Variants in NFKB1 observed in about 807,000 individuals in gnomAD.
NFKB1 encodes nuclear factor kappa B subunit 1, also known as nuclear factor NF-kappa-B p105 subunit.
A neutral mutation model predicts 105.1 loss-of-function variants in NFKB1; 9 were observed. That is an observed-to-expected ratio of 0.09 (90% CI 0.05 to 0.15). The LOEUF is 0.15. Among genes scored for constraint, NFKB1 ranks in the 10% least tolerant of loss-of-function variants. The pLI is 1.00. For synonymous variants in NFKB1, 440 were observed against 442.2 expected (o/e 1.00, Z 0.06); for missense variants, 830 against 1,203.7 (o/e 0.69, Z 4.59).
rs959879541 is a variant in NFKB1 at position 102,501,719 on chromosome 4, G to C, written c.-77G>C. On this transcript the variant is annotated 5_prime_UTR_variant, in exon 1 of 24. Coordinates refer to ENST00000226574, the MANE Select transcript of NFKB1 (RefSeq NM_003998.4). ...GCCGCCGCCTCTTCCTTCTCCAGCC[G>C]GCAGGCCCGCGCCGCTTAGGAGGGA... The C allele has an allele frequency of 2.0e-5, 3 of 152,248 alleles. No homozygotes were observed. The highest frequency in any genetic ancestry group is 4.4e-5 in the Non-Finnish European group (3 of 68,202). 9.4% of individuals were successfully genotyped at this position (152,248 alleles called of 1,614,324 possible). A position where few individuals can be genotyped will look rare whatever the true frequency, so the allele number is the denominator to read the frequency against.
In NFKB1 at chr4:102,616,591, T is replaced by G; in HGVS notation, c.2907T>G (p.Ile969Met). ...AGGAAGGACCTCTAGAAGGCAAAAT[T>G]TAGCCTGCTGACAATTTCCCACACC... ...YGQEGPLEGKI is the reference protein window; with the variant it reads ...YGQEGPLEGKM The change falls in exon 24 of 24, where the codon ATT (isoleucine) becomes ATG (methionine). Residue 969 changes from isoleucine to methionine, a missense_variant. Transcript: ENST00000226574. 1 of 1,613,694 alleles carries G rather than the reference T, an allele frequency of 6.2e-7. No homozygotes were observed. Among genetic ancestry groups the G allele is most frequent in the Non-Finnish European group, 8.5e-7 (1 of 1,179,854 alleles).
At chr4:102,547,026 G>A (rs1177651947) in intron 5 of NFKB1, among the ~76,000 whole-genome samples, 2 of 152,074 alleles carry the variant, frequency 1.3e-5, no homozygotes, top group Non-Finnish European at 2.9e-5. Flanking sequence ...AATGTATGTG[G>A]CTCAAAGAAT....
At chr4:102,566,957 G>A (rs748943049) in intron 5 of NFKB1, 30 bp from the exon 6 acceptor site, 18 of 1,611,568 alleles carry the variant, frequency 1.1e-5, no homozygotes, top group Non-Finnish European at 1.5e-5. Flanking sequence ...AGTCAGATAT[G>A]CTAACTTTTG....
chr4:102,607,383 A>G, intron 18 of NFKB1, 64 bp downstream of exon 18: 4 of 1,557,526 alleles, frequency 2.6e-6, no homozygotes, highest in Non-Finnish European at 3.5e-6. Flanking sequence ...AAATCTTTTC[A>G]AAGAAGGAAG....
In NFKB1 at chr4:102,529,855, C is replaced by G. The variant is rs370685242; in HGVS notation, c.59C>G (p.Ser20Cys). 6 of 1,606,752 alleles carry G rather than the reference C, an allele frequency of 3.7e-6. No individual in the cohort carries two copies. The highest frequency in any genetic ancestry group is 5.1e-6 in the Non-Finnish European group (6 of 1,174,798). Residue 20 changes from serine to cysteine, a missense_variant, in exon 3 of 24, where the codon TCT becomes TGT. Ser to Cys is a moderately radical substitution (Grantham distance 112, BLOSUM62 -1). Coordinates refer to ENST00000226574, the MANE Select transcript of NFKB1 (RefSeq NM_003998.4). The part of the protein sequence containing the change: ...RPEQMFHLDP[S>C]LTHTIFNPEV... ...TTACAGATGTTTCATTTGGATCCTTCTTTGACTCATACAATATTTAATCCA... is the reference window on the plus strand; with the variant it reads ...TTACAGATGTTTCATTTGGATCCTTGTTTGACTCATACAATATTTAATCCA...
intron 23 of NFKB1, among the ~76,000 whole-genome samples, chr4:102,614,252 G>T (rs929875280): frequency 6.6e-6 from 1 of 152,092 alleles, no homozygotes; most frequent in Non-Finnish European, 1.5e-5. Context: ...TCCGGACTTG[G>T]TGGGTTAAAT....
At chr4:102,532,691 A>G in intron 3 of NFKB1, among the ~76,000 whole-genome samples, 1 of 152,198 alleles carries the variant, frequency 6.6e-6, no homozygotes, top group East Asian at 1.9e-4. Context: ...TTTAATTTCA[A>G]CCTGAAGGTT....
chr4:102,614,827 C>CCCT (rs1475020656), intron 23 of NFKB1, among the ~76,000 whole-genome samples: 1 of 151,996 alleles, frequency 6.6e-6, no homozygotes, highest in Non-Finnish European at 1.5e-5. Flanking sequence ...CAGTCCTAAA[C>CCCT]CCTCCCTGCT....
At position 102,542,938 on chromosome 4, in the gene NFKB1, C is replaced by A. The variant is rs556288585; in HGVS notation, c.258+4982C>A. ...TGCAGACTAACTCTTATATCTTGTC[C>A]TTTCATAAGAAAAATTTCCCATCAT... On this transcript the variant is annotated intron_variant, in intron 5 of 23. Coordinates refer to ENST00000226574, the MANE Select transcript of NFKB1 (RefSeq NM_003998.4). Among the ~76,000 whole-genome samples the A allele has an allele frequency of 5.6e-4, 86 of 152,298 alleles. 1 individual carries two copies. In the South Asian group the frequency reaches 0.01, roughly 18 times the overall value.
intron 14 of NFKB1, among the ~76,000 whole-genome samples, chr4:102,596,622 G>A (rs1240917249): frequency 6.6e-6 from 1 of 151,762 alleles, no homozygotes; most frequent in Admixed American, 6.6e-5. Flanking sequence ...TTCTTTTCTG[G>A]CACAGATAAA....
chr4:102,572,369 C>T (rs903490667), intron 6 of NFKB1, among the ~76,000 whole-genome samples: 1 of 152,018 alleles, frequency 6.6e-6, no homozygotes, highest in African/African-American at 2.4e-5. Context: ...GGAGATATAC[C>T]TAATGTAAAT....
intron 3 of NFKB1, among the ~76,000 whole-genome samples, chr4:102,530,407 T>G (rs1340662953): frequency 1.3e-5 from 2 of 152,158 alleles, no homozygotes; most frequent in Non-Finnish European, 2.9e-5. Context: ...AAACTCATAA[T>G]CCTTCCTTCT....
intron 5 of NFKB1, among the ~76,000 whole-genome samples, chr4:102,566,198 T>A (rs1172157491): frequency 1.3e-5 from 2 of 152,246 alleles, no homozygotes; most frequent in Non-Finnish European, 2.9e-5. Flanking sequence ...ATCTCCATGC[T>A]ATTTCCTTTT....
At chr4:102,553,074 A>G (rs1413767638) in intron 5 of NFKB1, among the ~76,000 whole-genome samples, 19 of 152,208 alleles carry the variant, frequency 1.2e-4, no homozygotes, top group Non-Finnish European at 2.9e-5. Context: ...ACAATAGAAT[A>G]GTTGAAATGC....
chr4:102,554,828 C>A (rs987101176), intron 5 of NFKB1, among the ~76,000 whole-genome samples: 2 of 152,176 alleles, frequency 1.3e-5, no homozygotes, highest in Non-Finnish European at 2.9e-5. Flanking sequence ...GATTGTTTGC[C>A]TCCTTGGCCA....
chr4:102,538,284 T>A (rs976733955), intron 5 of NFKB1, among the ~76,000 whole-genome samples: 4 of 152,196 alleles, frequency 2.6e-5, no homozygotes, highest in Non-Finnish European at 2.9e-5. Context: ...TTTGACTCTT[T>A]GGAGATTTAG....
rs1230528380 is a variant in NFKB1, at chr4:102,582,876, G to A, written c.846G>A (p.Gln282=). The change falls in exon 10 of 24, where the codon CAG becomes CAA. Residue 282 remains glutamine (Q), a synonymous_variant. Transcript: ENST00000226574. ...LCDKVQKDDI[Q]IRFYEEEENG... ...TGTGATTGTTTGCAGATGACATCCA[G>A]ATTCGATTTTATGAAGAGGAAGAAA... 6.2e-7 allele frequency: 1 copy of A among 1,610,832 alleles called. No individual in the cohort carries two copies. The highest frequency in any genetic ancestry group is 8.5e-7 in the Non-Finnish European group (1 of 1,177,536).
chr4:102,574,476 A>G (rs1204373976), intron 6 of NFKB1, among the ~76,000 whole-genome samples: 2 of 151,494 alleles, frequency 1.3e-5, no homozygotes, highest in African/African-American at 2.4e-5. Context: ...CTCTGAGTGT[A>G]TCTCTGTTTG....
At chr4:102,573,260 A>T (rs972951244) in intron 6 of NFKB1, among the ~76,000 whole-genome samples, 2 of 152,186 alleles carry the variant, frequency 1.3e-5, no homozygotes, top group African/African-American at 4.8e-5. Flanking sequence ...GTGAGCCGAG[A>T]TCGCACAATT....
Sources: gnomAD v4.1 joint callset for allele counts (sites outside exome capture counted in the v4.1 genomes callset) on GRCh38, gnomAD v4.1.1 for gene constraint, MANE v1.5 for transcripts, NCBI Gene and HGNC (gene_info 2026-07-23, HGNC 2026-07-21) for gene names.